Variants in CAPNS1 observed in about 807,000 individuals in gnomAD.
The protein encoded by CAPNS1 is calpain small subunit 1, also known as CANP small subunit.
A neutral mutation model predicts 39.2 loss-of-function variants in CAPNS1; 32 were observed. The observed-to-expected ratio is 0.82, with a 90% CI of 0.62 to 1.10. The LOEUF (loss-of-function observed/expected upper bound fraction) is 1.10, where lower values mean the gene tolerates loss of function less well. Among genes scored for constraint, CAPNS1 ranks in the 50% least tolerant of loss-of-function variants. The probability of loss-of-function intolerance (pLI) is 0.00; values close to 1 mark genes in which losing one functional copy is unlikely to be tolerated. For synonymous variants in CAPNS1, 153 were observed against 136.2 expected (o/e 1.12, Z -0.86); for missense variants, 353 against 373.1 (o/e 0.95, Z 0.44).
chr19:36,146,420 G>A, intron 9 of CAPNS1, 108 bp downstream of exon 9: 1 of 762,744 alleles, frequency 1.3e-6, no homozygotes, highest in Non-Finnish European at 2.4e-6. Context: ...GGGCACAGTG[G>A]TGATTGAATC....
At chr19:36,141,305 A>G in intron 2 of CAPNS1, 85 bp downstream of exon 2, 2 of 1,427,200 alleles carry the variant, frequency 1.4e-6, no homozygotes, top group South Asian at 1.5e-5. Context: ...GTGGTCTAAA[A>G]ATAGAATAGG....
intron 9 of CAPNS1, among the ~76,000 whole-genome samples, chr19:36,148,803 ACT>A (rs1599885692): frequency 6.6e-6 from 1 of 151,294 alleles, no homozygotes; most frequent in African/African-American, 2.4e-5. Context: ...ACAGAGTGGG[ACT>A]CTGTCTCAAA....
intron 2 of CAPNS1, 89 bp from the exon 3 acceptor site, chr19:36,142,211 G>T: frequency 1.2e-6 from 1 of 821,506 alleles, no homozygotes; most frequent in African/African-American, 1.7e-5. Flanking sequence ...AACGGCTGGG[G>T]TCTGGAGCGT....
Position 36,141,021 on chromosome 19 carries a change from G to A in CAPNS1, c.10G>A (p.Val4Ile), listed in dbSNP as rs780414298. 14 of 1,522,806 alleles carry A rather than the reference G, an allele frequency of 9.2e-6. No individual in the cohort carries two copies. The highest frequency in any genetic ancestry group is 1.2e-5 in the Non-Finnish European group (14 of 1,127,374). The allele number at this position is 1,522,806 out of a possible 1,614,324, so 94.3% of individuals were successfully genotyped here. Residue 4 changes from valine (V) to isoleucine (I), a missense_variant, in exon 2 of 11, where the codon GTT becomes ATT. Physicochemically the swap from Val to Ile is conservative, Grantham distance 29 (BLOSUM62 3). Transcript: ENST00000246533. ...GCAGTGAGTCGCAGCCATGTTCCTG[G>A]TTAACTCGTTCTTGAAGGGCGGCGG... MFL[V>I]NSFLKGGGGG...
chr19:36,145,604 A>G (rs1974534906), intron 6 of CAPNS1: 1 of 560,014 alleles, frequency 1.8e-6, no homozygotes, highest in Non-Finnish European at 3.2e-6. Context: ...TTTAAAGAGA[A>G]TCCCTATTTA....
chr19:36,149,788 T>C, intron 10 of CAPNS1, 25 bp from the exon 11 acceptor site: 1 of 1,560,148 alleles, frequency 6.4e-7, no homozygotes, highest in Admixed American at 1.9e-5. Context: ...TTCCCTGTCC[T>C]CACTCTCCAC....
chr19:36,143,217 T>C (rs1974444581), intron 6 of CAPNS1, 89 bp downstream of exon 6: 1 of 1,128,158 alleles, frequency 8.9e-7, no homozygotes, highest in East Asian at 2.3e-5. Context: ...AGCTTTCATA[T>C]CCACAGATGT....
intron 1 of CAPNS1, chr19:36,140,651 C>G: frequency 3.9e-6 from 1 of 258,098 alleles, no homozygotes; most frequent in Non-Finnish European, 7.3e-6. Context: ...TACATTCAGG[C>G]TGGGCTCTGG....
At position 36,141,237 on chromosome 19, in the gene CAPNS1, C is replaced by A; in HGVS notation, c.209+17C>A. On this transcript the variant is annotated intron_variant, in intron 2 of 10. Transcript: ENST00000246533. Reference sequence around the variant, plus strand: ...CGCCATCAGGTAAGGCGGAGACTATCAGAGGGGCGGGGCCTGGGAATGGGA... The same window carrying A: ...CGCCATCAGGTAAGGCGGAGACTATAAGAGGGGCGGGGCCTGGGAATGGGA... 2 of 1,515,374 alleles carry A rather than the reference C, an allele frequency of 1.3e-6. No homozygotes were observed. Among genetic ancestry groups the A allele is most frequent in the Non-Finnish European group, 1.8e-6 (2 of 1,137,764 alleles). The allele number at this position is 1,515,374 out of a possible 1,614,324, so 93.9% of individuals were successfully genotyped here.
At chr19:36,146,868 A>C (rs1228798015) in intron 9 of CAPNS1, among the ~76,000 whole-genome samples, 1 of 152,156 alleles carries the variant, frequency 6.6e-6, no homozygotes, top group African/African-American at 2.4e-5. Context: ...TTTGAGACAG[A>C]GTCTGCTGCT....
rs1373988909 is a variant in CAPNS1 at position 36,142,924 on chromosome 19, G to A, written c.349G>A (p.Ala117Thr). Reference protein sequence around the residue: ...QLAGDDMEVSATELMNILNKV... With the variant: ...QLAGDDMEVSTTELMNILNKV... ...CCGCCCGCAGGACATGGAGGTCAGC[G>A]CCACAGAACTCATGAACATTCTCAA... Residue 117 changes from alanine to threonine, a missense_variant, in exon 5 of 11, where the codon GCC (alanine) becomes ACC (threonine). Coordinates refer to ENST00000246533, the MANE Select transcript of CAPNS1 (RefSeq NM_001749.4). The A allele has an allele frequency of 4.3e-6, 7 of 1,614,064 alleles. No homozygotes were observed. Among genetic ancestry groups the A allele is most frequent in the Non-Finnish European group, 5.9e-6 (7 of 1,180,038 alleles).
rs1974544893 is a variant in CAPNS1, at chr19:36,145,869, T to C, written c.520T>C (p.Trp174Arg). ...FKYLWNNIKR[W>R]QAIYKQFDTD... is the part of the protein sequence containing the mutation. Reference sequence around the variant, plus strand: ...GTACTTGTGGAACAACATCAAAAGGTGGCAGGTGTGTAGAAACCTCTGAAA... The same window carrying C: ...GTACTTGTGGAACAACATCAAAAGGCGGCAGGTGTGTAGAAACCTCTGAAA... The change falls in exon 7 of 11, where the codon TGG (tryptophan) becomes CGG (arginine). Residue 174 changes from tryptophan (W) to arginine (R), a missense_variant. Transcript: ENST00000246533. The C allele has an allele frequency of 6.2e-7, 1 of 1,614,100 alleles. No individual in the cohort carries two copies. The highest frequency in any genetic ancestry group is 1.7e-5 in the Admixed American group (1 of 60,008).
In CAPNS1 at chr19:36,150,207, C is replaced by T. The variant is rs535107716; in HGVS notation, c.*368C>T. 7 of 213,302 alleles carry T rather than the reference C, an allele frequency of 3.3e-5. No individual in the cohort carries two copies. The highest frequency in any genetic ancestry group is 1.8e-4 in the South Asian group (1 of 5,682). 13.2% of individuals were successfully genotyped at this position (213,302 alleles called of 1,614,324 possible). A position where few individuals can be genotyped will look rare whatever the true frequency, so the allele number is the denominator to read the frequency against. ...TGGGAGGATGACTCCAGTCCCTGCA[C>T]GCCCTGGCACACCCTTCACGGTTGC... On this transcript the variant is annotated 3_prime_UTR_variant, in exon 11 of 11. Coordinates refer to ENST00000246533, the MANE Select transcript of CAPNS1 (RefSeq NM_001749.4).
At position 36,141,230 on chromosome 19, in the gene CAPNS1, A is replaced by G. The variant is rs573869590; in HGVS notation, c.209+10A>G. 2.0e-5 allele frequency: 31 copies of G among 1,515,698 alleles called. No individual in the cohort carries two copies. The African/African-American group carries it at 2.3e-4, about 11-fold the overall frequency. The allele number at this position is 1,515,698 out of a possible 1,614,324, so 93.9% of individuals were successfully genotyped here. ...TCATCAGCGCCATCAGGTAAGGCGG[A>G]GACTATCAGAGGGGCGGGGCCTGGG... On this transcript the variant is annotated intron_variant, in intron 2 of 10. Coordinates refer to ENST00000246533, the MANE Select transcript of CAPNS1 (RefSeq NM_001749.4).
At chr19:36,141,625 C>T in intron 2 of CAPNS1, 2 of 1,036,372 alleles carry the variant, frequency 1.9e-6, no homozygotes, top group Non-Finnish European at 2.3e-6. Context: ...TGAGTGTGGT[C>T]AGAGGTTTTA....
At chr19:36,141,263 G>A in intron 2 of CAPNS1, 43 bp downstream of exon 2, 1 of 1,492,154 alleles carries the variant, frequency 6.7e-7, no homozygotes, top group Non-Finnish European at 8.9e-7. Flanking sequence ...GGGAATGGGA[G>A]GAGCCTCAGT....
At position 36,146,291 on chromosome 19, in the gene CAPNS1, G is replaced by A. The variant is rs749370630; in HGVS notation, c.700G>A (p.Val234Ile). 1 of 1,613,160 alleles carries A rather than the reference G, an allele frequency of 6.2e-7. No homozygotes were observed. Among genetic ancestry groups the A allele is most frequent in the East Asian group, 2.2e-5 (1 of 44,876 alleles). Residue 234 changes from valine (V) to isoleucine (I), a missense_variant, in exon 9 of 11, where the codon GTC becomes ATC. Physicochemically the swap from Val to Ile is conservative, Grantham distance 29. Coordinates refer to ENST00000246533, the MANE Select transcript of CAPNS1 (RefSeq NM_001749.4). The stretch of plus-strand genomic sequence containing the variant: ...TTTTGACAACTTCATCAGCTGCTTG[G>A]TCAGGCTGGACGCCATGTTCCGTGA... ...MDFDNFISCL[V>I]RLDAMFRAFK...
chr19:36,142,813 C>A, intron 4 of CAPNS1, 72 bp downstream of exon 4: 1 of 1,582,652 alleles, frequency 6.3e-7, no homozygotes. Context: ...CTTGCACACA[C>A]ACCCTTGACC....
At position 36,149,649 on chromosome 19, in the gene CAPNS1, A is replaced by T. The variant is rs763794605; in HGVS notation, c.780+13A>T. The T allele has an allele frequency of 1.3e-6, 2 of 1,582,120 alleles. No individual in the cohort carries two copies. Among genetic ancestry groups the T allele is most frequent in the East Asian group, 2.4e-5 (1 of 41,746 alleles). ...GAACATCCAGGAGGTAAGGACCCCC[A>T]TATTGGGGTATGGGTGCCTGGGAGG... On this transcript the variant is annotated intron_variant, in intron 10 of 10. Coordinates refer to ENST00000246533, the MANE Select transcript of CAPNS1 (RefSeq NM_001749.4).
Sources: gnomAD v4.1 joint callset for allele counts (sites outside exome capture counted in the v4.1 genomes callset) on GRCh38, gnomAD v4.1.1 for gene constraint, MANE v1.5 for transcripts, NCBI Gene and HGNC (gene_info 2026-07-23, HGNC 2026-07-21) for gene names.